The following NDUFS4 variants were observed in gnomAD, a reference collection of about 807,000 sequenced individuals.
NDUFS4 encodes the protein NADH:ubiquinone oxidoreductase subunit S4, also known as NADH dehydrogenase [ubiquinone] iron-sulfur protein 4, mitochondrial.
In NDUFS4, 28 loss-of-function variants were observed where a neutral mutation model predicts 24.3. The observed-to-expected ratio is 1.15, with a 90% confidence interval of 0.85 to 1.58. NDUFS4 has a LOEUF of 1.58. Among genes scored for constraint, NDUFS4 ranks in the 40% most tolerant of loss-of-function variants. NDUFS4 has a pLI of 0.00. For synonymous variants in NDUFS4, 93 were observed against 69.7 expected, an observed-to-expected ratio of 1.34 and a Z score of -1.67; for missense variants, 223 against 207.9, an observed-to-expected ratio of 1.07 and a Z score of -0.45.
chr5:53,608,138 A>G (rs549027757), intron 2 of NDUFS4, among the ~76,000 whole-genome samples: 14 of 152,334 alleles, frequency 9.2e-5, no homozygotes, highest in Non-Finnish European at 1.8e-4. Flanking sequence ...TTCCCAGTGC[A>G]TATAAAAGTT....
At position 53,646,191 on chromosome 5, in the gene NDUFS4, T is replaced by C. The variant is rs777848755; in HGVS notation, c.178-42T>C. The C allele has an allele frequency of 4.8e-6, 7 of 1,465,078 alleles. No individual in the cohort carries two copies. The South Asian group carries it at 8.3e-5, about 17-fold the overall frequency. 90.8% of individuals were successfully genotyped at this position (1,465,078 alleles called of 1,614,324 possible). A position where few individuals can be genotyped will look rare whatever the true frequency, so the allele number is the denominator to read the frequency against. ...CAACAAAAGTACATTAGTGTGTATG[T>C]AGGCTGTTTGAAACGTGTTTTTTTT... On this transcript the variant is annotated intron_variant, in intron 2 of 4. Transcript: ENST00000296684.
intron 4 of NDUFS4, among the ~76,000 whole-genome samples, chr5:53,668,980 A>C (rs948038890): frequency 8.5e-5 from 13 of 152,204 alleles, no homozygotes; most frequent in East Asian, 5.8e-4. Context: ...TAACAGGGAC[A>C]CATACAAGGA....
In NDUFS4 at chr5:53,562,065, G is replaced by A. The variant is rs1229199159; in HGVS notation, c.98+1305G>A. Among the ~76,000 whole-genome samples, 11 of 151,584 alleles carry A rather than the reference G, an allele frequency of 7.3e-5. No homozygotes were observed. In the East Asian group the frequency reaches 1.9e-3, roughly 27 times the overall value. Reference sequence around the variant, plus strand: ...GACGCCCAGGCTGTAGTGCAATGGCGTGATCTTGGTTCACTGCAACCTCCG... The same window carrying A: ...GACGCCCAGGCTGTAGTGCAATGGCATGATCTTGGTTCACTGCAACCTCCG... On this transcript the variant is annotated intron_variant, in intron 1 of 4. Coordinates refer to ENST00000296684, the MANE Select transcript of NDUFS4 (RefSeq NM_002495.4).
intron 1 of NDUFS4, among the ~76,000 whole-genome samples, chr5:53,567,674 T>C (rs964262828): frequency 6.6e-6 from 1 of 152,216 alleles, no homozygotes; most frequent in African/African-American, 2.4e-5. Context: ...TCGTGTCTGC[T>C]TTTTAATAGT....
chr5:53,663,552 C>T (rs1304139247), intron 4 of NDUFS4, among the ~76,000 whole-genome samples: 2 of 152,194 alleles, frequency 1.3e-5, no homozygotes, highest in African/African-American at 4.8e-5. Flanking sequence ...ATAGTTAGCT[C>T]TTCTCAGTGA....
chr5:53,622,657 T>C (rs1291096196), intron 2 of NDUFS4, among the ~76,000 whole-genome samples: 1 of 151,952 alleles, frequency 6.6e-6, no homozygotes, highest in African/African-American at 2.4e-5. Flanking sequence ...GACCTTTTCA[T>C]TGGATATAGA....
At chr5:53,585,481 C>G (rs755864890) in intron 1 of NDUFS4, among the ~76,000 whole-genome samples, 1 of 152,158 alleles carries the variant, frequency 6.6e-6, no homozygotes, top group Non-Finnish European at 1.5e-5. Context: ...CTTGGTGGCT[C>G]ACGCCTGTAA....
chr5:53,610,413 C>T (rs938665466), intron 2 of NDUFS4, among the ~76,000 whole-genome samples: 2 of 151,958 alleles, frequency 1.3e-5, no homozygotes, highest in Non-Finnish European at 2.9e-5. Flanking sequence ...CACCATAACA[C>T]ATACAATGCA....
intron 1 of NDUFS4, among the ~76,000 whole-genome samples, chr5:53,561,920 C>T (rs191860042): frequency 6.6e-6 from 1 of 151,840 alleles, no homozygotes; most frequent in South Asian, 2.1e-4. Context: ...TAGAGTCACT[C>T]AAAAGTAAGG....
At chr5:53,572,860 G>A (rs1749256170) in intron 1 of NDUFS4, among the ~76,000 whole-genome samples, 1 of 151,612 alleles carries the variant, frequency 6.6e-6, no homozygotes, top group Admixed American at 6.6e-5. Flanking sequence ...TGGCCAGGCT[G>A]GTCTCGAACT....
At chr5:53,677,829 G>T (rs1269821256) in intron 4 of NDUFS4, among the ~76,000 whole-genome samples, 1 of 152,162 alleles carries the variant, frequency 6.6e-6, no homozygotes, top group Non-Finnish European at 1.5e-5. Context: ...TACAAATGGA[G>T]AGTAGGAAAA....
At chr5:53,599,480 T>C (rs1275865986) in intron 1 of NDUFS4, among the ~76,000 whole-genome samples, 1 of 152,232 alleles carries the variant, frequency 6.6e-6, no homozygotes, top group Non-Finnish European at 1.5e-5. Context: ...TCATTGTGTT[T>C]TGATTTGCAT....
chr5:53,568,058 G>C (rs1339951434), intron 1 of NDUFS4, among the ~76,000 whole-genome samples: 1 of 152,026 alleles, frequency 6.6e-6, no homozygotes, highest in African/African-American at 2.4e-5. Flanking sequence ...TTTAATAACA[G>C]AGCAATTCAG....
chr5:53,591,813 CAT>C lies in NDUFS4; in HGVS notation c.99-11636_99-11635del, dbSNP rs373405508. ...ATTTTAATTTATAATTTCCTAATGA[CAT>C]ATGATATTGAGCACTTTTTCATATA... On this transcript the variant is annotated intron_variant, in intron 1 of 4. Transcript: ENST00000296684. 1.6e-3 allele frequency among the ~76,000 whole-genome samples: 247 copies of C among 152,264 alleles called. 4 individuals are homozygous for C. Among genetic ancestry groups the C allele is most frequent in the African/African-American group, 5.8e-3 (243 of 41,560 alleles).
chr5:53,583,551 G>A (rs6860913), intron 1 of NDUFS4, among the ~76,000 whole-genome samples: 1 of 151,918 alleles, frequency 6.6e-6, no homozygotes, highest in Non-Finnish European at 1.5e-5. Context: ...CCCAGACTTT[G>A]GAAATAGAAG....
intron 2 of NDUFS4, among the ~76,000 whole-genome samples, chr5:53,604,160 A>G (rs1214795467): frequency 6.6e-6 from 1 of 152,228 alleles, no homozygotes; most frequent in Non-Finnish European, 1.5e-5. Context: ...TTATGCTTCA[A>G]TAGCATACAT....
intron 4 of NDUFS4, among the ~76,000 whole-genome samples, chr5:53,675,186 G>A (rs1470259979): frequency 9.3e-5 from 13 of 140,070 alleles, no homozygotes; most frequent in East Asian, 8.3e-4. Flanking sequence ...TTTTGAGGCG[G>A]AGTCTCACTC....
intron 4 of NDUFS4, 67 bp from the exon 5 acceptor site, chr5:53,683,051 T>C: frequency 9.8e-7 from 1 of 1,021,420 alleles, no homozygotes; most frequent in Non-Finnish European, 1.6e-6. Flanking sequence ...AGCCTCTGCT[T>C]GCTGTGCTTT....
chr5:53,676,827 T>G (rs1740486552), intron 4 of NDUFS4, among the ~76,000 whole-genome samples: 1 of 151,992 alleles, frequency 6.6e-6, no homozygotes, highest in African/African-American at 2.4e-5. Flanking sequence ...AAATAAACTT[T>G]ACGTGAATTC....
Sources: gnomAD v4.1 joint callset for allele counts (sites outside exome capture counted in the v4.1 genomes callset) on GRCh38, gnomAD v4.1.1 for gene constraint, MANE v1.5 for transcripts, NCBI Gene and HGNC (gene_info 2026-07-23, HGNC 2026-07-21) for gene names.